The following ROBO1 variants were observed in gnomAD, a reference collection of about 807,000 sequenced individuals.
ROBO1 encodes the protein roundabout guidance receptor 1.
In ROBO1, 149 loss-of-function variants were observed where a neutral mutation model predicts 195.9. The ratio of observed to expected loss-of-function variants is 0.76; its 90% CI spans 0.67 to 0.87. ROBO1 has a LOEUF of 0.87. Ranked by LOEUF, ROBO1 falls within the 40% of genes least tolerant of loss-of-function variation. The pLI is 0.00. For synonymous variants in ROBO1, 816 were observed against 733.2 expected, an observed-to-expected ratio of 1.11 and a Z score of -1.82; for missense variants, 1,933 against 2,068.3, an observed-to-expected ratio of 0.93 and a Z score of 1.27.
At chr3:79,060,922 C>T in intron 3 of ROBO1, among the ~76,000 whole-genome samples, 1 of 152,124 alleles carries the variant, frequency 6.6e-6, no homozygotes, top group African/African-American at 2.4e-5. Flanking sequence ...TGGAAGCATT[C>T]CCTTTGAAAA....
At chr3:79,314,552 G>A (rs1352320727) in intron 2 of ROBO1, among the ~76,000 whole-genome samples, 2 of 152,200 alleles carry the variant, frequency 1.3e-5, no homozygotes, top group African/African-American at 4.8e-5. Flanking sequence ...TCAACTGTGA[G>A]TCAATTAAGC....
At chr3:79,651,415 G>T (rs1449605630) in intron 1 of ROBO1, among the ~76,000 whole-genome samples, 1 of 152,072 alleles carries the variant, frequency 6.6e-6, no homozygotes, top group African/African-American at 2.4e-5. Context: ...AAGGAATACT[G>T]CTTTTTTTAA....
At chr3:79,081,473 G>C (rs2079273763) in intron 3 of ROBO1, among the ~76,000 whole-genome samples, 1 of 152,146 alleles carries the variant, frequency 6.6e-6, no homozygotes, top group African/African-American at 2.4e-5. Flanking sequence ...ACACAATACC[G>C]AGCTTTGTCT....
chr3:79,573,511 T>C (rs1397099930), intron 2 of ROBO1, among the ~76,000 whole-genome samples: 1 of 152,180 alleles, frequency 6.6e-6, no homozygotes, highest in Non-Finnish European at 1.5e-5. Context: ...ACAGTTTGCT[T>C]ACAAAATTTA....
chr3:79,681,722 C>T (rs7635587), intron 1 of ROBO1, among the ~76,000 whole-genome samples: 91,569 of 151,658 alleles, frequency 0.6, 27,864 homozygotes, highest in South Asian at 0.69. Flanking sequence ...GGTAGGCCTA[C>T]TCTGGGGCAC....
intron 2 of ROBO1, among the ~76,000 whole-genome samples, chr3:79,395,909 A>G (rs1413192232): frequency 6.6e-6 from 1 of 152,070 alleles, no homozygotes; most frequent in Non-Finnish European, 1.5e-5. Context: ...TGAAGTCTAC[A>G]CATGACTTTG....
At chr3:79,359,260 A>T (rs2035674165) in intron 2 of ROBO1, among the ~76,000 whole-genome samples, 1 of 152,060 alleles carries the variant, frequency 6.6e-6, no homozygotes, top group Admixed American at 6.6e-5. Flanking sequence ...TAACTCCTTG[A>T]TAAACATCAA....
intron 2 of ROBO1, among the ~76,000 whole-genome samples, chr3:79,153,334 A>T: frequency 6.6e-6 from 1 of 151,754 alleles, no homozygotes; most frequent in Non-Finnish European, 1.5e-5. Flanking sequence ...AAAACCAAGG[A>T]CAATTAATTT....
intron 4 of ROBO1, among the ~76,000 whole-genome samples, chr3:78,811,243 A>G (rs993626707): frequency 2.6e-5 from 4 of 152,186 alleles, no homozygotes; most frequent in African/African-American, 9.6e-5. Flanking sequence ...TTTGTTTCTA[A>G]AACAAATGTA....
chr3:78,994,163 C>G (rs960097861), intron 3 of ROBO1, among the ~76,000 whole-genome samples: 4 of 152,146 alleles, frequency 2.6e-5, no homozygotes, highest in Non-Finnish European at 5.9e-5. Context: ...TAAAAGGAAG[C>G]TTTCGCCTTT....
intron 2 of ROBO1, among the ~76,000 whole-genome samples, chr3:79,529,038 T>C (rs1409350559): frequency 2.6e-5 from 4 of 152,248 alleles, no homozygotes; most frequent in African/African-American, 9.6e-5. Flanking sequence ...AATTTTGCAA[T>C]ACTTTTTGTT....
chr3:79,762,761 G>A (rs892347586), intron 1 of ROBO1, among the ~76,000 whole-genome samples: 12 of 152,148 alleles, frequency 7.9e-5, no homozygotes, highest in Non-Finnish European at 1.0e-4. Context: ...CAATGACTAA[G>A]GAGTTTAGAA....
intron 5 of ROBO1, among the ~76,000 whole-genome samples, chr3:78,734,519 C>G (rs1410438384): frequency 6.6e-6 from 1 of 151,708 alleles, no homozygotes; most frequent in South Asian, 2.1e-4. Flanking sequence ...CATGTTCACA[C>G]CACAGCACTC....
chr3:79,748,826 T>C (rs566652991), intron 1 of ROBO1, among the ~76,000 whole-genome samples: 98 of 152,258 alleles, frequency 6.4e-4, no homozygotes, highest in South Asian at 3.7e-3. Flanking sequence ...TTGTGAGACT[T>C]CCCCAGCCAC....
At chr3:79,206,196 G>A (rs1039050777) in intron 2 of ROBO1, among the ~76,000 whole-genome samples, 2 of 152,102 alleles carry the variant, frequency 1.3e-5, no homozygotes, top group African/African-American at 4.8e-5. Context: ...TACCCACCAG[G>A]TATTCACTTA....
At chr3:79,226,878 A>C (rs1424240739) in intron 2 of ROBO1, among the ~76,000 whole-genome samples, 2 of 152,016 alleles carry the variant, frequency 1.3e-5, no homozygotes. Flanking sequence ...CAACTTCTTT[A>C]ACATTTGTCC....
At chr3:78,714,638 CAA>C (rs1360134615) in intron 7 of ROBO1, 114 bp from the exon 8 acceptor site, 4 of 981,716 alleles carry the variant, frequency 4.1e-6, no homozygotes, top group South Asian at 2.6e-5. Flanking sequence ...TAACTTAAAA[CAA>C]AGAGTAAAAC....
chr3:78,878,921 C>T (rs2036017287), intron 4 of ROBO1, among the ~76,000 whole-genome samples: 1 of 152,092 alleles, frequency 6.6e-6, no homozygotes, highest in Non-Finnish European at 1.5e-5. Flanking sequence ...AGTGCAATTA[C>T]AAAAACCAAA....
intron 21 of ROBO1, among the ~76,000 whole-genome samples, chr3:78,645,924 C>A (rs562822012): frequency 1.3e-5 from 2 of 152,132 alleles, no homozygotes; most frequent in African/African-American, 4.8e-5. Flanking sequence ...CAGTTAAAGT[C>A]CTCCCTCTAG....
Sources: allele counts gnomAD v4.1 joint callset (sites outside exome capture counted in the v4.1 genomes callset), GRCh38; gene constraint gnomAD v4.1.1; transcripts MANE v1.5; gene names NCBI Gene and HGNC (gene_info 2026-07-23, HGNC 2026-07-21).